NKAIN3: variants seen among roughly 807,000 people sequenced by gnomAD.
The protein encoded by NKAIN3 is sodium/potassium transporting ATPase interacting 3, also known as sodium/potassium-transporting ATPase subunit beta-1-interacting protein 3.
A neutral mutation model predicts 30.2 loss-of-function variants in NKAIN3; 25 were observed. That is an observed-to-expected ratio of 0.83 (90% CI 0.60 to 1.16). NKAIN3 has a LOEUF of 1.16. Ranked by LOEUF, NKAIN3 falls within the 50% of genes most tolerant of loss-of-function variation. The pLI, the probability that NKAIN3 is intolerant of heterozygous loss-of-function variation, is 0.00. For missense variants in NKAIN3, 225 were observed against 254.1 expected, an observed-to-expected ratio of 0.89 and a Z score of 0.78; for synonymous variants, 91 against 89.6, an observed-to-expected ratio of 1.02 and a Z score of -0.09.
chr8:62,990,280 A>T (rs1383100574), intron 5 of NKAIN3: 2 of 1,477,318 alleles, frequency 1.4e-6, no homozygotes, highest in Admixed American at 4.8e-5. Flanking sequence ...GTCAAGCCTC[A>T]TGTGCTTCCT....
chr8:62,395,030 C>T (rs545702912), intron 1 of NKAIN3, among the ~76,000 whole-genome samples: 2 of 142,996 alleles, frequency 1.4e-5, no homozygotes, highest in African/African-American at 5.2e-5. Context: ...GTGAGGAGGC[C>T]GGGCAGAGGC....
chr8:62,787,659 C>T (rs1032481363), intron 4 of NKAIN3, among the ~76,000 whole-genome samples: 1 of 152,164 alleles, frequency 6.6e-6, no homozygotes, highest in Admixed American at 6.6e-5. Context: ...AGGTATATCT[C>T]CTAATGCTAT....
chr8:62,797,879 C>G lies in NKAIN3; in HGVS notation c.471+50750C>G, dbSNP rs188519307. On this transcript the variant is annotated intron_variant, in intron 4 of 6. Coordinates refer to ENST00000623646, the MANE Select transcript of NKAIN3 (RefSeq NM_001304533.3). ...TAAAAAGGGGAAATTTGTAGACCGA[C>G]CCTCACACAAGGAGAATGCCATGTG... 2.8e-3 allele frequency among the ~76,000 whole-genome samples: 423 copies of G among 152,210 alleles called. 1 individual carries two copies. Among genetic ancestry groups the G allele is most frequent in the African/African-American group, 9.9e-3 (410 of 41,524 alleles).
At chr8:62,796,355 G>T (rs892438539) in intron 4 of NKAIN3, among the ~76,000 whole-genome samples, 2 of 115,232 alleles carry the variant, frequency 1.7e-5, no homozygotes, top group African/African-American at 6.7e-5. Context: ...CTGAGCTCCA[G>T]CCTGAGCAAC....
At chr8:62,427,644 A>T (rs1391131346) in intron 1 of NKAIN3, among the ~76,000 whole-genome samples, 1 of 151,914 alleles carries the variant, frequency 6.6e-6, no homozygotes, top group South Asian at 2.1e-4. Flanking sequence ...TACAAGTGTC[A>T]TGTTTTCTGT....
chr8:62,911,374 G>A (rs1821920982), intron 4 of NKAIN3, among the ~76,000 whole-genome samples: 1 of 151,954 alleles, frequency 6.6e-6, no homozygotes, highest in African/African-American at 2.4e-5. Flanking sequence ...ATAATCATTG[G>A]AATACAAAAA....
intron 1 of NKAIN3, among the ~76,000 whole-genome samples, chr8:62,283,996 G>T (rs1813288593): frequency 6.6e-6 from 1 of 152,100 alleles, no homozygotes; most frequent in South Asian, 2.1e-4. Flanking sequence ...AAATTCTTGT[G>T]CATGGAAAAA....
chr8:62,366,621 G>A (rs558393792), intron 1 of NKAIN3, among the ~76,000 whole-genome samples: 16 of 151,974 alleles, frequency 1.1e-4, no homozygotes, highest in Admixed American at 3.3e-4. Flanking sequence ...ATTGTCAATT[G>A]TCAATTTCAT....
At chr8:62,797,394 T>C (rs1419802614) in intron 4 of NKAIN3, among the ~76,000 whole-genome samples, 1 of 152,174 alleles carries the variant, frequency 6.6e-6, no homozygotes, top group Non-Finnish European at 1.5e-5. Flanking sequence ...AAAGAATGAT[T>C]CTACCAAAAT....
At chr8:62,417,947 G>C (rs966209281) in intron 1 of NKAIN3, among the ~76,000 whole-genome samples, 1 of 152,170 alleles carries the variant, frequency 6.6e-6, no homozygotes, top group African/African-American at 2.4e-5. Context: ...ATGAAGAACA[G>C]TGGAGTGAAG....
intron 5 of NKAIN3, among the ~76,000 whole-genome samples, chr8:62,919,895 G>C (rs1428959287): frequency 8.7e-6 from 1 of 115,412 alleles, no homozygotes; most frequent in Non-Finnish European, 1.7e-5. Context: ...TGTATTTAAT[G>C]CTTACACAGA....
intron 3 of NKAIN3, among the ~76,000 whole-genome samples, chr8:62,663,964 A>G (rs896355764): frequency 9.2e-5 from 14 of 151,992 alleles, no homozygotes; most frequent in Non-Finnish European, 1.6e-4. Flanking sequence ...AAAAAAATTG[A>G]TCTTGTTGGA....
chr8:62,631,723 T>C (rs1811965581), intron 3 of NKAIN3, among the ~76,000 whole-genome samples: 1 of 152,152 alleles, frequency 6.6e-6, no homozygotes, highest in African/African-American at 2.4e-5. Flanking sequence ...TAATACCTAA[T>C]GAAATTCTTG....
intron 4 of NKAIN3, among the ~76,000 whole-genome samples, chr8:62,883,802 T>C (rs969475096): frequency 6.6e-6 from 1 of 152,152 alleles, no homozygotes; most frequent in Non-Finnish European, 1.5e-5. Flanking sequence ...TGCTCTTCTT[T>C]TTCTAGTTTC....
chr8:62,432,335 G>T (rs1715960592), intron 1 of NKAIN3, among the ~76,000 whole-genome samples: 1 of 151,926 alleles, frequency 6.6e-6, no homozygotes, highest in South Asian at 2.1e-4. Flanking sequence ...TTATAATTTG[G>T]AGGAACTTCA....
chr8:62,386,267 G>A (rs377463394), intron 1 of NKAIN3, among the ~76,000 whole-genome samples: 2 of 152,292 alleles, frequency 1.3e-5, no homozygotes, highest in East Asian at 3.9e-4. Context: ...TCAGTTGGCT[G>A]TTCTGTGAAG....
chr8:62,635,403 T>C (rs912287776), intron 3 of NKAIN3, among the ~76,000 whole-genome samples: 5 of 152,178 alleles, frequency 3.3e-5, no homozygotes. Flanking sequence ...AATCCTGTGC[T>C]TCTTAAAGGA....
At chr8:62,741,127 G>A (rs1273466704) in intron 3 of NKAIN3, among the ~76,000 whole-genome samples, 1 of 151,868 alleles carries the variant, frequency 6.6e-6, no homozygotes, top group Non-Finnish European at 1.5e-5. Flanking sequence ...ATTTTGTAAG[G>A]TTGTCTATTG....
chr8:62,964,537 A>AGAGAGTGT lies in NKAIN3; in HGVS notation c.604-816_604-815insAGAGTGTG, dbSNP rs1386858813. On this transcript the variant is annotated intron_variant, in intron 6 of 6. Coordinates refer to ENST00000623646, the MANE Select transcript of NKAIN3 (RefSeq NM_001304533.3). Reference sequence around the variant, plus strand: ...CCAGTAGAGAAAGAGAGAGAGAGAGAGTGTGTGTGTGTGTGTGTGTGTGTG... The same window carrying AGAGAGTGT: ...CCAGTAGAGAAAGAGAGAGAGAGAGAGAGAGTGTGTGTGTGTGTGTGTGTGTGTGTGTG... Among the ~76,000 whole-genome samples the AGAGAGTGT allele has an allele frequency of 1.3e-3, 179 of 133,224 alleles. 1 individual carries two copies. The highest frequency in any genetic ancestry group is 3.7e-3 in the East Asian group (16 of 4,284). The allele number at this position is 133,224 out of a possible 152,430, so 87.4% of individuals were successfully genotyped here. A position where few individuals can be genotyped will look rare whatever the true frequency, so the allele number is the denominator to read the frequency against.
Sources: allele counts gnomAD v4.1 joint callset (sites outside exome capture counted in the v4.1 genomes callset), GRCh38; gene constraint gnomAD v4.1.1; transcripts MANE v1.5; gene names NCBI Gene and HGNC (gene_info 2026-07-23, HGNC 2026-07-21).